SLC5A10: variants seen among roughly 807,000 people sequenced by gnomAD.
The protein encoded by SLC5A10 is solute carrier family 5 member 10, also known as sodium/mannose cotransporter SLC5A10.
Under a neutral mutation model 68.9 loss-of-function variants are expected in SLC5A10, and 55 were observed. The observed-to-expected ratio is 0.80, with a 90% CI of 0.64 to 1.00. The LOEUF (loss-of-function observed/expected upper bound fraction) is 1.00. SLC5A10 is among the 50% of genes least tolerant of loss of function. The pLI, the probability that SLC5A10 is intolerant of heterozygous loss-of-function variation, is 0.00. For synonymous variants in SLC5A10, 344 were observed against 344.8 expected, an observed-to-expected ratio of 1.00 and a Z score of 0.02; for missense variants, 732 against 819.3, an observed-to-expected ratio of 0.89 and a Z score of 1.30.
chr17:18,952,792 A>G (rs2042398770), intron 1 of SLC5A10, among the ~76,000 whole-genome samples: 1 of 152,166 alleles, frequency 6.6e-6, no homozygotes. Context: ...CCTGTGGCCT[A>G]GCCCTAGATC....
At chr17:19,001,075 G>A (rs980611996) in intron 9 of SLC5A10, among the ~76,000 whole-genome samples, 3 of 152,146 alleles carry the variant, frequency 2.0e-5, no homozygotes, top group African/African-American at 7.2e-5. Flanking sequence ...AGGTGACCTT[G>A]GGCAGCGACT....
Position 18,984,235 on chromosome 17 carries a change from G to C in SLC5A10, c.982+7246G>C, listed in dbSNP as rs565697017. Reference sequence around the variant, plus strand: ...CGGGCCCCTGTAGTCCCAGCTACTGGGGAGGCTGAAGCAGGATAATGGCAC... The same window carrying C: ...CGGGCCCCTGTAGTCCCAGCTACTGCGGAGGCTGAAGCAGGATAATGGCAC... On this transcript the variant is annotated intron_variant, in intron 9 of 14. Transcript: ENST00000395645. 1.8e-4 allele frequency among the ~76,000 whole-genome samples: 28 copies of C among 151,894 alleles called. No homozygotes were observed. The East Asian group carries it at 5.2e-3, about 28-fold the overall frequency.
intron 9 of SLC5A10, among the ~76,000 whole-genome samples, chr17:19,010,136 G>T (rs2043983786): frequency 6.6e-6 from 1 of 152,282 alleles, no homozygotes; most frequent in Non-Finnish European, 1.5e-5. Flanking sequence ...GCGGGTTTGA[G>T]CAGGGAAGAG....
At chr17:19,020,110 C>CA in intron 13 of SLC5A10, 45 bp from the exon 14 acceptor site, 37 of 1,246,490 alleles carry the variant, frequency 3.0e-5, no homozygotes, top group Middle Eastern at 2.6e-4. Flanking sequence ...CACCCCCACC[C>CA]TGCCATCCCC....
chr17:18,960,433 G>C (rs2042588733), intron 4 of SLC5A10, 115 bp from the exon 5 acceptor site: 1 of 939,358 alleles, frequency 1.1e-6, no homozygotes, highest in African/African-American at 1.6e-5. Context: ...TTGCCCTTGA[G>C]AGGCTCGCAG....
chr17:18,974,168 G>A (rs1470491178), intron 8 of SLC5A10, among the ~76,000 whole-genome samples: 1 of 152,036 alleles, frequency 6.6e-6, no homozygotes, highest in Non-Finnish European at 1.5e-5. Flanking sequence ...TGGGATTACA[G>A]GCATGAGCCA....
At chr17:18,978,035 G>A in intron 9 of SLC5A10, 2 of 1,535,754 alleles carry the variant, frequency 1.3e-6, no homozygotes, top group Non-Finnish European at 8.7e-7. Context: ...TGCCATCCTG[G>A]GTAGCCTATG....
At chr17:18,951,394 C>T (rs1336974797), upstream of SLC5A10, among the ~76,000 whole-genome samples, 1 of 13,414 alleles carries the variant, frequency 7.5e-5, no homozygotes, top group Non-Finnish European at 1.6e-4. Flanking sequence ...GAGACATTGC[C>T]TACTCTGCGT....
intron 9 of SLC5A10, among the ~76,000 whole-genome samples, chr17:18,986,928 A>G (rs185958363): frequency 8.5e-5 from 13 of 152,304 alleles, no homozygotes; most frequent in Admixed American, 7.8e-4. Context: ...GATTCCCAGC[A>G]CTAATTACGC....
intron 9 of SLC5A10, among the ~76,000 whole-genome samples, chr17:18,980,955 G>A (rs2043115870): frequency 6.6e-6 from 1 of 152,152 alleles, no homozygotes; most frequent in African/African-American, 2.4e-5. Flanking sequence ...CCGGCTTCTG[G>A]CTCTCGGCTA....
In SLC5A10 at chr17:18,976,805, C is replaced by T. The variant is rs1341236037; in HGVS notation, c.847-49C>T. 6.9e-6 allele frequency: 11 copies of T among 1,603,152 alleles called. No homozygotes were observed. In the African/African-American group the frequency reaches 1.2e-4, roughly 18 times the overall value. On this transcript the variant is annotated intron_variant, in intron 8 of 14. Coordinates refer to ENST00000395645, the MANE Select transcript of SLC5A10 (RefSeq NM_001042450.4). Reference sequence around the variant, plus strand: ...GGCCCACCAAGGACCAATCCTGACACAAGTGTCCCTCAGGCTTGGACTCAC... The same window carrying T: ...GGCCCACCAAGGACCAATCCTGACATAAGTGTCCCTCAGGCTTGGACTCAC...
rs571906315 is a variant in SLC5A10 at position 18,999,475 on chromosome 17, A to G, written c.983-13935A>G. 4.3e-4 allele frequency among the ~76,000 whole-genome samples: 65 copies of G among 152,200 alleles called. 1 individual carries two copies. In the South Asian group the frequency reaches 0.013, roughly 31 times the overall value. On this transcript the variant is annotated intron_variant, in intron 9 of 14. Coordinates refer to ENST00000395645, the MANE Select transcript of SLC5A10 (RefSeq NM_001042450.4). The stretch of plus-strand genomic sequence containing the variant: ...CTCCAGATATCAGTTCTGTGACCTC[A>G]GGCCAGTTATTTGCCATCTCCGAGC...
Position 19,022,302 on chromosome 17 carries a change from C to G in SLC5A10, c.*1871C>G, listed in dbSNP as rs115811363. 1 of 483,444 alleles carries G rather than the reference C, an allele frequency of 2.1e-6. No homozygotes were observed. Among genetic ancestry groups the G allele is most frequent in the African/African-American group, 2.0e-5 (1 of 49,402 alleles). The allele number at this position is 483,444 out of a possible 1,614,324, so 29.9% of individuals were successfully genotyped here. Reference sequence around the variant, plus strand: ...GTCCAGATCAATGGTAGTGCCACCACTGGGCCTCCTGCTGCCCACACCCCT... The same window carrying G: ...GTCCAGATCAATGGTAGTGCCACCAGTGGGCCTCCTGCTGCCCACACCCCT... On this transcript the variant is annotated 3_prime_UTR_variant, in exon 15 of 15. Transcript: ENST00000395645.
intron 5 of SLC5A10, among the ~76,000 whole-genome samples, chr17:18,966,997 C>T (rs565337847): frequency 6.6e-6 from 1 of 152,294 alleles, no homozygotes; most frequent in South Asian, 2.1e-4. Context: ...TGCTCAAAGC[C>T]ATGTGGCTGG....
intron 1 of SLC5A10, among the ~76,000 whole-genome samples, chr17:18,955,107 A>G (rs1480298292): frequency 1.7e-5 from 2 of 121,064 alleles, no homozygotes; most frequent in Non-Finnish European, 3.7e-5. Context: ...AAAAAAAAAA[A>G]AAAGAATTCA....
chr17:18,958,935 G>T (rs2042559013), intron 2 of SLC5A10, among the ~76,000 whole-genome samples, 182 bp downstream of exon 2: 1 of 152,186 alleles, frequency 6.6e-6, no homozygotes, highest in African/African-American at 2.4e-5. Context: ...TAAGGGGCAG[G>T]GGCTATGGAG....
chr17:18,978,803 A>G, intron 9 of SLC5A10: 1 of 1,612,956 alleles, frequency 6.2e-7, no homozygotes, highest in Non-Finnish European at 8.5e-7. Context: ...CTGGCCAGAC[A>G]GCACAGAGAT....
chr17:18,971,365 G>C lies in SLC5A10; in HGVS notation c.846+147G>C. The C allele has an allele frequency of 1.3e-6, 2 of 1,552,756 alleles. No homozygotes were observed. The highest frequency in any genetic ancestry group is 1.7e-6 in the Non-Finnish European group (2 of 1,156,062). On this transcript the variant is annotated intron_variant, in intron 8 of 14. Coordinates refer to ENST00000395645, the MANE Select transcript of SLC5A10 (RefSeq NM_001042450.4). The surrounding 1 kb of genome is among the most constrained non-coding windows in gnomAD (Gnocchi z 5.5). ...TCCAGGCTGGGACATGCTGCTAGGG[G>C]TCTTTGCGGTCCCGGGGGGCTTGAG...
chr17:18,950,696 TATTA>T (rs1369051547), upstream of SLC5A10: 93 of 985,346 alleles, frequency 9.4e-5, no homozygotes, highest in Non-Finnish European at 1.0e-4. Context: ...ATGTGAGGAC[TATTA>T]ATTGTTTTTT....
Sources: gnomAD v4.1 joint callset for allele counts (sites outside exome capture counted in the v4.1 genomes callset) on GRCh38, gnomAD v4.1.1 for gene constraint, Gnocchi (gnomAD v3.1) non-coding constraint, MANE v1.5 for transcripts, NCBI Gene and HGNC (gene_info 2026-07-23, HGNC 2026-07-21) for gene names.